Variants in CNBD1 observed in about 807,000 individuals in gnomAD.
CNBD1 encodes the protein cyclic nucleotide binding domain containing 1.
CNBD1 carries 71 observed loss-of-function variants against 54.4 expected under a neutral mutation model. The ratio of observed to expected loss-of-function variants is 1.30; its 90% confidence interval spans 1.08 to 1.59. CNBD1 has a LOEUF of 1.59. Ranked by LOEUF, CNBD1 falls within the 40% of genes most tolerant of loss-of-function variation. CNBD1 has a pLI of 0.00. For synonymous variants in CNBD1, 182 were observed against 170.7 expected (o/e 1.07, Z -0.51); for missense variants, 659 against 518.0 (o/e 1.27, Z -2.64).
chr8:86,889,546 T>G (rs557199406), intron 2 of CNBD1, among the ~76,000 whole-genome samples: 37 of 152,282 alleles, frequency 2.4e-4, no homozygotes, highest in African/African-American at 7.9e-4. Flanking sequence ...TAAATTTTTG[T>G]ACATAGAACT....
At chr8:87,150,479 A>G (rs1194488606) in intron 4 of CNBD1, among the ~76,000 whole-genome samples, 1 of 152,192 alleles carries the variant, frequency 6.6e-6, no homozygotes, top group Admixed American at 6.5e-5. Context: ...CTCAAGAAAG[A>G]GAACTAAATC....
chr8:87,378,530 A>G (rs981542994), intron 10 of CNBD1, among the ~76,000 whole-genome samples: 37 of 151,040 alleles, frequency 2.4e-4, no homozygotes, highest in Middle Eastern at 3.4e-3. Context: ...TTTTGGTACC[A>G]GTACCATGCT....
chr8:87,209,904 C>T lies in CNBD1; in HGVS notation c.577+3766C>T, dbSNP rs75842528. ...TGCCCATAATCTTCCCAAATCCCCA[C>T]GTGTTCAGGGAGAAACCAGGTGGAG... On this transcript the variant is annotated intron_variant, in intron 5 of 10. Coordinates refer to ENST00000518476, the MANE Select transcript of CNBD1 (RefSeq NM_173538.3). 8.1e-3 allele frequency among the ~76,000 whole-genome samples: 1,228 copies of T among 152,260 alleles called. 28 individuals carry two copies. Among genetic ancestry groups the T allele is most frequent in the African/African-American group, 0.023 (962 of 41,540 alleles).
intron 4 of CNBD1, among the ~76,000 whole-genome samples, chr8:87,019,733 C>T (rs1809443333): frequency 6.6e-6 from 1 of 152,036 alleles, no homozygotes; most frequent in African/African-American, 2.4e-5. Context: ...CAAAAATTAG[C>T]CGGATGTGGT....
intron 4 of CNBD1, among the ~76,000 whole-genome samples, chr8:86,952,791 C>T (rs925515559): frequency 2.0e-5 from 3 of 152,110 alleles, no homozygotes; most frequent in Non-Finnish European, 4.4e-5. Context: ...TATAAACCAT[C>T]ACCGCAATTT....
At chr8:86,965,843 G>A (rs1461236989) in intron 4 of CNBD1, among the ~76,000 whole-genome samples, 4 of 152,150 alleles carry the variant, frequency 2.6e-5, no homozygotes, top group Admixed American at 1.3e-4. Flanking sequence ...CTCATAGGCA[G>A]ATCATCCGTG....
chr8:86,903,363 AGAG>A (rs1476068437), intron 2 of CNBD1, among the ~76,000 whole-genome samples: 1 of 152,204 alleles, frequency 6.6e-6, no homozygotes, highest in Non-Finnish European at 1.5e-5. Flanking sequence ...TGATCTATCC[AGAG>A]CACAAATTGG....
intron 1 of CNBD1, among the ~76,000 whole-genome samples, chr8:86,885,310 A>G (rs1254067439): frequency 6.6e-6 from 1 of 152,228 alleles, no homozygotes; most frequent in African/African-American, 2.4e-5. Context: ...CCAATAATAT[A>G]CAGTGGGCCT....
At chr8:87,142,415 G>C (rs947557581) in intron 4 of CNBD1, among the ~76,000 whole-genome samples, 1 of 152,074 alleles carries the variant, frequency 6.6e-6, no homozygotes, top group Non-Finnish European at 1.5e-5. Context: ...CCGTTTGGTT[G>C]AAATATTTAG....
intron 2 of CNBD1, among the ~76,000 whole-genome samples, chr8:87,389,109 T>A (rs1249211932): frequency 6.6e-6 from 1 of 151,832 alleles, no homozygotes; most frequent in Non-Finnish European, 1.5e-5. Context: ...CTCAAAATTA[T>A]AAGAGCTATT....
chr8:87,286,616 AT>A lies in CNBD1; in HGVS notation c.988del (p.Ser330ProfsTer5). On this transcript the variant is annotated frameshift_variant, in exon 8 of 11. Transcript: ENST00000518476. LOFTEE classifies it high-confidence loss of function. ...CTTATTATGAGGAATGGCCTACTTT[AT>A]CCATATATGAGCTAATTGCACTCCT... is the stretch of plus-strand genomic sequence containing the variant. The part of the protein sequence containing the change: ...CPYYEEWPTL[S>X]IYELIALLKW... 1 of 1,524,846 alleles carries A rather than the reference AT, an allele frequency of 6.6e-7. No homozygotes were observed. Among genetic ancestry groups the A allele is most frequent in the Non-Finnish European group, 8.9e-7 (1 of 1,122,074 alleles). The allele number at this position is 1,524,846 out of a possible 1,614,324, so 94.5% of individuals were successfully genotyped here. A position where few individuals can be genotyped will look rare whatever the true frequency, so the allele number is the denominator to read the frequency against.
chr8:86,950,245 G>T (rs780661887), intron 4 of CNBD1, among the ~76,000 whole-genome samples: 2 of 151,578 alleles, frequency 1.3e-5, no homozygotes, highest in Non-Finnish European at 2.9e-5. Context: ...ATTTTTAGTA[G>T]AGACAGTTTC....
intron 6 of CNBD1, among the ~76,000 whole-genome samples, chr8:87,264,613 C>A (rs1808210449): frequency 6.6e-6 from 1 of 152,128 alleles, no homozygotes; most frequent in South Asian, 2.1e-4. Flanking sequence ...ACAGTCCCAC[C>A]AACAGTGTAA....
chr8:87,367,288 G>A (rs1037883840), intron 10 of CNBD1, among the ~76,000 whole-genome samples: 2 of 151,984 alleles, frequency 1.3e-5, no homozygotes, highest in African/African-American at 4.8e-5. Flanking sequence ...GGTGTAGTCA[G>A]ACAATAGTGT....
At chr8:87,339,388 C>A (rs1285704904) in intron 8 of CNBD1, among the ~76,000 whole-genome samples, 1 of 152,120 alleles carries the variant, frequency 6.6e-6, no homozygotes, top group East Asian at 1.9e-4. Context: ...CGTCATTTCC[C>A]ATGGAAATTT....
chr8:87,350,003 A>G (rs777600694), intron 8 of CNBD1, among the ~76,000 whole-genome samples: 11 of 152,204 alleles, frequency 7.2e-5, no homozygotes, highest in Non-Finnish European at 1.2e-4. Context: ...ATAGTTAAAA[A>G]TAATGGATTT....
intron 2 of CNBD1, among the ~76,000 whole-genome samples, chr8:86,889,481 C>T (rs1402729529): frequency 6.6e-6 from 1 of 152,042 alleles, no homozygotes; most frequent in Non-Finnish European, 1.5e-5. Context: ...CAATAAATTA[C>T]ACTTTTCCCC....
chr8:86,990,914 A>G (rs1808730890), intron 4 of CNBD1, among the ~76,000 whole-genome samples: 1 of 151,962 alleles, frequency 6.6e-6, no homozygotes, highest in South Asian at 2.1e-4. Flanking sequence ...ACTCTTTGGT[A>G]AATTTCTATG....
intron 4 of CNBD1, among the ~76,000 whole-genome samples, chr8:86,989,626 A>G (rs184406238): frequency 6.6e-6 from 1 of 151,556 alleles, no homozygotes; most frequent in Admixed American, 6.6e-5. Context: ...AATTTTTTGT[A>G]TTTTAGTAGA....
Sources: allele counts gnomAD v4.1 joint callset (sites outside exome capture counted in the v4.1 genomes callset), GRCh38; gene constraint gnomAD v4.1.1; transcripts MANE v1.5; gene names NCBI Gene and HGNC (gene_info 2026-07-23, HGNC 2026-07-21).